The following AFG1L variants were observed in gnomAD, a reference collection of about 807,000 sequenced individuals.
AFG1L encodes the protein AFG1 like ATPase.
In AFG1L, 53 loss-of-function variants were observed where a neutral mutation model predicts 62.2. That is an observed-to-expected ratio of 0.85 (90% CI 0.68 to 1.07). The LOEUF is 1.07. Ranked by LOEUF, AFG1L falls within the 50% of genes least tolerant of loss-of-function variation. The pLI, the probability that AFG1L is intolerant of heterozygous loss-of-function variation, is 0.00. For missense variants in AFG1L, 555 were observed against 590.5 expected (o/e 0.94, Z 0.62); for synonymous variants, 228 against 210.3 (o/e 1.08, Z -0.73).
In AFG1L at chr6:108,494,802, G is replaced by T. The variant is rs182513446; in HGVS notation, c.1063-15410G>T. The stretch of plus-strand genomic sequence containing the variant: ...TTTTTTTTTTTTCAGACAGAGTCTT[G>T]CTCTGTCACCCAGGCTGGAGTGCAG... On this transcript the variant is annotated intron_variant, in intron 10 of 12. Coordinates refer to ENST00000368977, the MANE Select transcript of AFG1L (RefSeq NM_145315.5). 3.4e-3 allele frequency among the ~76,000 whole-genome samples: 473 copies of T among 138,622 alleles called. 6 individuals are homozygous for T. The highest frequency in any genetic ancestry group is 4.3e-3 in the Non-Finnish European group (279 of 64,716). 90.9% of individuals were successfully genotyped at this position (138,622 alleles called of 152,430 possible).
intron 12 of AFG1L, 199 bp downstream of exon 12, chr6:108,520,009 C>A: frequency 2.6e-6 from 1 of 388,474 alleles, no homozygotes; most frequent in South Asian, 3.2e-5. Flanking sequence ...TGGAAGGAAC[C>A]TTAGTGGTCA....
chr6:108,464,370 T>A (rs1006018057), intron 8 of AFG1L, among the ~76,000 whole-genome samples: 4 of 152,180 alleles, frequency 2.6e-5, no homozygotes, highest in East Asian at 1.9e-4. Flanking sequence ...GAATGCCTGA[T>A]TTTAGCTGTA....
chr6:108,517,793 A>C (rs1774962221), intron 11 of AFG1L, among the ~76,000 whole-genome samples: 1 of 152,216 alleles, frequency 6.6e-6, no homozygotes, highest in Non-Finnish European at 1.5e-5. Flanking sequence ...CAATGAACTC[A>C]AACAAATTTA....
rs1349548363 is a variant in AFG1L, at chr6:108,451,351, C to G, written c.890+4055C>G. Among the ~76,000 whole-genome samples, 5 of 152,154 alleles carry G rather than the reference C, an allele frequency of 3.3e-5. No homozygotes were observed. In the East Asian group the frequency reaches 5.8e-4, roughly 18 times the overall value. On this transcript the variant is annotated intron_variant, in intron 8 of 12. Coordinates refer to ENST00000368977, the MANE Select transcript of AFG1L (RefSeq NM_145315.5). ...ATCCAAATAATATCAAGAATTACCA[C>G]AGATTTCTAAAACTACCCAAAAAGT...
intron 5 of AFG1L, among the ~76,000 whole-genome samples, chr6:108,357,609 A>T (rs961999462): frequency 6.6e-6 from 1 of 152,244 alleles, no homozygotes; most frequent in African/African-American, 2.4e-5. Flanking sequence ...AAGTATTTTT[A>T]AAAAGTGTTA....
chr6:108,376,540 G>T (rs1447362926), intron 6 of AFG1L, among the ~76,000 whole-genome samples: 1 of 152,014 alleles, frequency 6.6e-6, no homozygotes. Flanking sequence ...TCATTCAGGA[G>T]CAAGTTGTTT....
chr6:108,472,379 C>G (rs1179454338), intron 8 of AFG1L, among the ~76,000 whole-genome samples: 1 of 152,138 alleles, frequency 6.6e-6, no homozygotes, highest in East Asian at 1.9e-4. Flanking sequence ...TTTAGGTGCT[C>G]TTACCGCCCC....
At chr6:108,302,948 T>G (rs933081932) in intron 1 of AFG1L, among the ~76,000 whole-genome samples, 8 of 152,102 alleles carry the variant, frequency 5.3e-5, no homozygotes, top group African/African-American at 1.9e-4. Context: ...AAAAAAAAGT[T>G]TCCTTGACTC....
chr6:108,393,447 CA>C (rs1270324349), intron 6 of AFG1L, among the ~76,000 whole-genome samples: 1 of 151,878 alleles, frequency 6.6e-6, no homozygotes, highest in Non-Finnish European at 1.5e-5. Context: ...TTTCTCAGAG[CA>C]TATAGTTTTG....
At chr6:108,328,353 C>T (rs1287538619) in intron 2 of AFG1L, among the ~76,000 whole-genome samples, 2 of 152,132 alleles carry the variant, frequency 1.3e-5, no homozygotes, top group Non-Finnish European at 2.9e-5. Context: ...AATTTTACAT[C>T]TTGTTCCCTT....
intron 8 of AFG1L, among the ~76,000 whole-genome samples, chr6:108,458,695 C>T (rs971605582): frequency 3.9e-5 from 6 of 152,094 alleles, no homozygotes; most frequent in Admixed American, 2.6e-4. Context: ...TTTATAATTG[C>T]AGTTTTAATG....
chr6:108,361,402 A>T (rs1234471613), intron 5 of AFG1L, among the ~76,000 whole-genome samples: 1 of 152,260 alleles, frequency 6.6e-6, no homozygotes, highest in Non-Finnish European at 1.5e-5. Context: ...TCAGAAGGCC[A>T]GTCTTTCGTC....
At chr6:108,452,917 G>A (rs1475358813) in intron 8 of AFG1L, among the ~76,000 whole-genome samples, 1 of 152,164 alleles carries the variant, frequency 6.6e-6, no homozygotes, top group Non-Finnish European at 1.5e-5. Context: ...TGTCTCGAGG[G>A]AGACATTGTC....
At chr6:108,418,415 G>A (rs1396790582) in intron 7 of AFG1L, among the ~76,000 whole-genome samples, 2 of 152,156 alleles carry the variant, frequency 1.3e-5, no homozygotes, top group Admixed American at 1.3e-4. Flanking sequence ...CCCTTTACAG[G>A]AAGTTTGCTG....
At chr6:108,479,445 C>T (rs1409105466) in intron 10 of AFG1L, among the ~76,000 whole-genome samples, 1 of 152,180 alleles carries the variant, frequency 6.6e-6, no homozygotes, top group Non-Finnish European at 1.5e-5. Context: ...CTACATTACA[C>T]AAGCACTGAA....
chr6:108,398,430 C>A (rs1332681600), intron 6 of AFG1L, among the ~76,000 whole-genome samples: 1 of 152,072 alleles, frequency 6.6e-6, no homozygotes, highest in African/African-American at 2.4e-5. Context: ...CCAGCTGTTT[C>A]CTTTGCTGTG....
chr6:108,344,122 T>C (rs1475770241), intron 2 of AFG1L, among the ~76,000 whole-genome samples: 1 of 152,090 alleles, frequency 6.6e-6, no homozygotes, highest in Non-Finnish European at 1.5e-5. Flanking sequence ...TGTTTGTTTG[T>C]TTGTTTTTTG....
At chr6:108,403,535 A>G (rs1781722260) in intron 7 of AFG1L, among the ~76,000 whole-genome samples, 1 of 152,136 alleles carries the variant, frequency 6.6e-6, no homozygotes, top group Non-Finnish European at 1.5e-5. Context: ...TGGAAGATTT[A>G]TGCTGTTAGT....
chr6:108,464,722 C>T (rs1772598651), intron 8 of AFG1L, among the ~76,000 whole-genome samples: 1 of 152,128 alleles, frequency 6.6e-6, no homozygotes. Context: ...AAGAGCCCAT[C>T]TTCTGTTGAG....
Sources: allele counts gnomAD v4.1 joint callset (sites outside exome capture counted in the v4.1 genomes callset), GRCh38; gene constraint gnomAD v4.1.1; transcripts MANE v1.5; gene names NCBI Gene and HGNC (gene_info 2026-07-23, HGNC 2026-07-21).